UBN2: variants seen among roughly 807,000 people sequenced by gnomAD.
UBN2 encodes the protein ubinuclein-2.
UBN2 carries 35 observed loss-of-function variants against 120.2 expected under a neutral mutation model. That is an observed-to-expected ratio of 0.29 (90% CI 0.22 to 0.39). The LOEUF (loss-of-function observed/expected upper bound fraction) is 0.39, where lower values mean the gene tolerates loss of function less well. Ranked by LOEUF, UBN2 falls within the 10% of genes least tolerant of loss-of-function variation. UBN2 has a pLI of 1.00. For missense variants in UBN2, 1,693 were observed against 1,663.2 expected, an observed-to-expected ratio of 1.02 and a Z score of -0.31; for synonymous variants, 661 against 648.7, an observed-to-expected ratio of 1.02 and a Z score of -0.29.
intron 15 of UBN2, among the ~76,000 whole-genome samples, chr7:139,287,350 T>G (rs1000359434): frequency 6.6e-6 from 1 of 152,184 alleles, no homozygotes; most frequent in African/African-American, 2.4e-5. Flanking sequence ...TATAAAAAAT[T>G]GGGGAGTTAT....
chr7:139,312,128 T>C (rs556199073), downstream of UBN2, among the ~76,000 whole-genome samples: 1 of 152,330 alleles, frequency 6.6e-6, no homozygotes, highest in Admixed American at 6.5e-5. Context: ...GGAGAACTCA[T>C]TCCCTCACTT....
chr7:139,284,092 C>T lies in UBN2; in HGVS notation c.3187C>T (p.Pro1063Ser), dbSNP rs1797700436. ...GCCTAAGCCTTCTGCCTCACCCAAG[C>T]CCTCTCTGTCAGCTAAGCCTTCAGT... Reference protein sequence around the residue: ...PSPKPSASPKPSLSAKPSVST... With the variant: ...PSPKPSASPKSSLSAKPSVST... The change falls in exon 15 of 18, where the codon CCC becomes TCC. Residue 1063 changes from proline to serine, a missense_variant. Pro to Ser is a moderately conservative substitution (Grantham distance 74, BLOSUM62 -1). This residue lies in a region of UBN2 where 837 missense variants were observed against 817.6 expected (regional missense o/e 1.02). Coordinates refer to ENST00000473989, the MANE Select transcript of UBN2 (RefSeq NM_173569.4). The T allele has an allele frequency of 6.2e-7, 1 of 1,614,170 alleles. No homozygotes were observed. The highest frequency in any genetic ancestry group is 8.5e-7 in the Non-Finnish European group (1 of 1,180,034).
At chr7:139,282,985 C>T in intron 14 of UBN2, 39 bp from the exon 15 acceptor site, 8 of 1,390,754 alleles carry the variant, frequency 5.8e-6, no homozygotes, top group African/African-American at 3.0e-5. Flanking sequence ...ATTTTTTATT[C>T]ACCATTTCTA....
At chr7:139,235,346 C>T (rs1172315853) in intron 1 of UBN2, among the ~76,000 whole-genome samples, 1 of 151,942 alleles carries the variant, frequency 6.6e-6, no homozygotes, top group Non-Finnish European at 1.5e-5. Context: ...CTAGTTTATT[C>T]CCTTTTGGAT....
chr7:139,276,767 A>T (rs139434497), intron 12 of UBN2: 1 of 152,690 alleles, frequency 6.5e-6, no homozygotes, highest in African/African-American at 2.4e-5. Context: ...CAAGGGTGGC[A>T]TTAACGGTTA....
Position 139,258,589 on chromosome 7 carries a change from T to A in UBN2, c.765T>A (p.Asp255Glu), listed in dbSNP as rs146366044. 80 of 1,605,296 alleles carry A rather than the reference T, an allele frequency of 5.0e-5. No homozygotes were observed. Among genetic ancestry groups the A allele is most frequent in the Middle Eastern group, 1.7e-4 (1 of 6,030 alleles). ...GCCAAGCTTCAGATACTGAAGAAGATGATATTACAGACAACCAAAAGCACA... is the reference window on the plus strand; with the variant it reads ...GCCAAGCTTCAGATACTGAAGAAGAAGATATTACAGACAACCAAAAGCACA... Reference protein sequence around the residue: ...QFRQASDTEEDDITDNQKHKP... With the variant: ...QFRQASDTEEEDITDNQKHKP... Residue 255 changes from aspartate (D) to glutamate (E), a missense_variant, in exon 4 of 18, where the codon GAT (aspartate) becomes GAA (glutamate). Physicochemically the swap from Asp to Glu is conservative, Grantham distance 45. Around this residue, in one of 5 missense-constraint regions of UBN2, gnomAD observed 663 missense variants for 591.2 expected, o/e 1.12. Transcript: ENST00000473989.
chr7:139,283,165 G>A lies in UBN2; in HGVS notation c.2260G>A (p.Asp754Asn), dbSNP rs529886380. The change falls in exon 15 of 18, where the codon GAC (aspartate) becomes AAC (asparagine). Residue 754 changes from aspartate (D) to asparagine (N), a missense_variant. By Grantham distance (23) the Asp-to-Asn change is conservative. Coordinates refer to ENST00000473989, the MANE Select transcript of UBN2 (RefSeq NM_173569.4). The part of the protein sequence containing the change: ...APAQETICLD[D>N]SLDEDLSFHS... ...AGCCCAAGAAACCATCTGCCTCGAC[G>A]ACTCACTAGATGAAGACCTTTCTTT... The A allele has an allele frequency of 3.0e-5, 48 of 1,611,898 alleles. No homozygotes were observed. The highest frequency in any genetic ancestry group is 5.4e-5 in the African/African-American group (4 of 74,152).
chr7:139,315,992 G>A, the UBN2 span, among the ~76,000 whole-genome samples: 13 of 146,174 alleles, frequency 8.9e-5, no homozygotes, highest in Non-Finnish European at 5.9e-5. Flanking sequence ...CAGGAGAATC[G>A]CTTGAACCTG....
chr7:139,241,184 A>G (rs964383785), intron 2 of UBN2, among the ~76,000 whole-genome samples: 3 of 152,208 alleles, frequency 2.0e-5, no homozygotes, highest in Non-Finnish European at 4.4e-5. Flanking sequence ...CTTCTAGGAC[A>G]TAGGATAACC....
At chr7:139,257,225 G>A (rs952193283) in intron 3 of UBN2, among the ~76,000 whole-genome samples, 2 of 152,134 alleles carry the variant, frequency 1.3e-5, no homozygotes, top group Non-Finnish European at 2.9e-5. Context: ...TAAACCTTGA[G>A]ATCTAGCCTT....
rs1245396901 is a variant in UBN2 at position 139,302,345 on chromosome 7, C to G, written c.*4509C>G. The G allele has an allele frequency of 6.6e-6, 1 of 152,178 alleles. No individual in the cohort carries two copies. Among genetic ancestry groups the G allele is most frequent in the Admixed American group, 6.5e-5 (1 of 15,274 alleles). The allele number at this position is 152,178 out of a possible 1,614,324, so 9.4% of individuals were successfully genotyped here. On this transcript the variant is annotated 3_prime_UTR_variant, in exon 18 of 18. Transcript: ENST00000473989. ...CTTTCCATGTTTGCAAAACTTCTGC[C>G]TTGTTTATTCCATTGCTTTTAGTTG... is the stretch of plus-strand genomic sequence containing the variant.
At chr7:139,264,377 C>G (rs1431295484) in intron 6 of UBN2, among the ~76,000 whole-genome samples, 4 of 152,044 alleles carry the variant, frequency 2.6e-5, no homozygotes, top group Non-Finnish European at 5.9e-5. Flanking sequence ...TTCTGGTCAG[C>G]GATCCTCATG....
chr7:139,329,125 G>A, the UBN2 span, among the ~76,000 whole-genome samples: 11,804 of 151,038 alleles, frequency 0.078, 616 homozygotes, highest in Middle Eastern at 0.13. Flanking sequence ...ACAGAAATTC[G>A]TGTGAAATAA....
intron 3 of UBN2, 132 bp from the exon 4 acceptor site, chr7:139,258,356 A>G: frequency 1.7e-6 from 1 of 603,194 alleles, no homozygotes; most frequent in Non-Finnish European, 2.6e-6. Flanking sequence ...TTTATTTTAC[A>G]AACATCCTTA....
the UBN2 span, among the ~76,000 whole-genome samples, chr7:139,329,434 A>T: frequency 6.6e-6 from 1 of 152,118 alleles, no homozygotes; most frequent in South Asian, 2.1e-4. Flanking sequence ...CCAACTTGTG[A>T]ATCAGAATTT....
At chr7:139,239,546 AGT>A (rs1796256180) in intron 2 of UBN2, among the ~76,000 whole-genome samples, 2 of 137,302 alleles carry the variant, frequency 1.5e-5, no homozygotes, top group Non-Finnish European at 3.1e-5. Flanking sequence ...ACTATATTAG[AGT>A]GTCTTTTTTT....
chr7:139,263,539 C>T (rs1301144998), intron 6 of UBN2, among the ~76,000 whole-genome samples: 9 of 151,894 alleles, frequency 5.9e-5, no homozygotes, highest in East Asian at 3.8e-4. Context: ...TTTGGGAGGC[C>T]GAGGTGGGCG....
At position 139,272,454 on chromosome 7, in the gene UBN2, C is replaced by G. The variant is rs1797306235; in HGVS notation, c.1715+14C>G. On this transcript the variant is annotated intron_variant, in intron 9 of 17. Transcript: ENST00000473989. ...TAAGTGTGCCAAGTATGTATCTCTT[C>G]TATTTGGACTGGCTTTTGCATTTGA... 6.3e-7 allele frequency: 1 copy of G among 1,588,716 alleles called. No homozygotes were observed. The highest frequency in any genetic ancestry group is 1.4e-5 in the African/African-American group (1 of 73,924).
chr7:139,265,271 G>A (rs1797061321), intron 6 of UBN2, among the ~76,000 whole-genome samples: 1 of 152,078 alleles, frequency 6.6e-6, no homozygotes, highest in South Asian at 2.1e-4. Flanking sequence ...TGAGGCAGGA[G>A]ATCAAGACCA....
Sources: gnomAD v4.1 joint callset for allele counts (sites outside exome capture counted in the v4.1 genomes callset) on GRCh38, gnomAD v4.1.1 for gene constraint, gnomAD v4.1.1 regional missense constraint, MANE v1.5 for transcripts, NCBI Gene and HGNC (gene_info 2026-07-23, HGNC 2026-07-21) for gene names.